Variants in SV2B observed in about 807,000 individuals in gnomAD.
SV2B encodes solute carrier family 22 member B2.
SV2B carries 41 observed loss-of-function variants against 73.9 expected under a neutral mutation model. The ratio of observed to expected loss-of-function variants is 0.56; its 90% confidence interval spans 0.43 to 0.72. The LOEUF (loss-of-function observed/expected upper bound fraction) is 0.72. SV2B is among the 30% of genes least tolerant of loss of function. SV2B has a pLI of 0.00. For missense variants in SV2B, 764 were observed against 857.8 expected (o/e 0.89, Z 1.37); for synonymous variants, 314 against 314.2 (o/e 1.00, Z 0.01).
At chr15:91,263,330 A>G (rs62652916) in intron 6 of SV2B, among the ~76,000 whole-genome samples, 57,334 of 150,732 alleles carry the variant, frequency 0.38, 14,267 homozygotes, top group African/African-American at 0.72. Context: ...ACAGAGGCAC[A>G]CATACAGACA....
rs2046704815 is a variant in SV2B, at chr15:91,234,521, G to C, written c.451+7807G>C. Among the ~76,000 whole-genome samples, 2 of 152,324 alleles carry C rather than the reference G, an allele frequency of 1.3e-5. No homozygotes were observed. Among genetic ancestry groups the C allele is most frequent in the East Asian group, 3.9e-4 (2 of 5,194 alleles). On this transcript the variant is annotated intron_variant, in intron 2 of 12. Coordinates refer to ENST00000394232, the MANE Select transcript of SV2B (RefSeq NM_001323032.3). This position sits in a 1 kb window ranked among gnomAD's most constrained non-coding sequence, Gnocchi z 5.6. Reference sequence around the variant, plus strand: ...AGAACAGTCTGACCTATGTAGACCTGTGGTACTGGCTAGTTCATTGTGGCA... The same window carrying C: ...AGAACAGTCTGACCTATGTAGACCTCTGGTACTGGCTAGTTCATTGTGGCA...
At chr15:91,272,104 T>C (rs1292253677) in intron 9 of SV2B, among the ~76,000 whole-genome samples, 1 of 152,174 alleles carries the variant, frequency 6.6e-6, no homozygotes, top group East Asian at 1.9e-4. Context: ...TTTGGTCTGC[T>C]CCCAAAGCAT....
chr15:91,158,715 T>TTCCCTTCCCTTCCCTTCC (rs2043597367), intron 1 of SV2B, among the ~76,000 whole-genome samples: 1 of 91,098 alleles, frequency 1.1e-5, no homozygotes, highest in African/African-American at 4.5e-5. Flanking sequence ...TCTCCTCTCC[T>TTCCCTTCCCTTCCCTTCC]CTCCTCTCCT....
chr15:91,289,553 T>C lies in SV2B; in HGVS notation c.1741T>C (p.Phe581Leu). 6.2e-7 allele frequency: 1 copy of C among 1,614,248 alleles called. No individual in the cohort carries two copies. The highest frequency in any genetic ancestry group is 8.5e-7 in the Non-Finnish European group (1 of 1,180,042). Residue 581 changes from phenylalanine (F) to leucine (L), a missense_variant, in exon 12 of 13, where the codon TTC becomes CTC. Physicochemically the swap from Phe to Leu is conservative, Grantham distance 22. Transcript: ENST00000394232. This position sits in a 1 kb window ranked among gnomAD's most constrained non-coding sequence, Gnocchi z 4.9. Reference sequence around the variant, plus strand: ...CATGCTAATCTCTGCAGTCTGCTGCTTCTTCCTGTTTTTTGGCAACAGTGA... The same window carrying C: ...CATGCTAATCTCTGCAGTCTGCTGCCTCTTCCTGTTTTTTGGCAACAGTGA... Reference protein sequence around the residue: ...GSMLISAVCCFFLFFGNSESA... With the variant: ...GSMLISAVCCLFLFFGNSESA...
intron 1 of SV2B, among the ~76,000 whole-genome samples, chr15:91,125,721 G>A (rs184505225): frequency 1.4e-4 from 21 of 145,294 alleles, no homozygotes; most frequent in African/African-American, 4.1e-4. Flanking sequence ...GCTGCAGTGA[G>A]CTGTGTTCTT....
At chr15:91,208,904 C>T (rs533778256) in intron 1 of SV2B, among the ~76,000 whole-genome samples, 1 of 152,206 alleles carries the variant, frequency 6.6e-6, no homozygotes, top group East Asian at 1.9e-4. Context: ...CAATGGATTA[C>T]GTGGGTTTCC....
intron 9 of SV2B, among the ~76,000 whole-genome samples, chr15:91,273,769 A>C (rs187548063): frequency 1.2e-4 from 18 of 152,274 alleles, no homozygotes; most frequent in African/African-American, 4.1e-4. Context: ...AGATGTCAAA[A>C]TTGATGAAGC....
chr15:91,225,508 G>C lies in SV2B; in HGVS notation c.-391-365G>C, dbSNP rs994159016. Among the ~76,000 whole-genome samples the C allele has an allele frequency of 1.2e-4, 19 of 152,082 alleles. No homozygotes were observed. The South Asian group carries it at 3.7e-3, about 30-fold the overall frequency. On this transcript the variant is annotated intron_variant, in intron 1 of 12. Transcript: ENST00000394232. ...CTTGACCACTTTATATTTCATTCTTGCATAACATTTTTATTTTATTTTATT... is the reference window on the plus strand; with the variant it reads ...CTTGACCACTTTATATTTCATTCTTCCATAACATTTTTATTTTATTTTATT...
At chr15:91,163,134 G>A (rs2043785645) in intron 1 of SV2B, among the ~76,000 whole-genome samples, 2 of 152,126 alleles carry the variant, frequency 1.3e-5, no homozygotes, top group Non-Finnish European at 2.9e-5. Context: ...TGGTGTATAT[G>A]TGCCACATTT....
intron 1 of SV2B, among the ~76,000 whole-genome samples, chr15:91,218,124 G>C (rs2046096347): frequency 6.6e-6 from 1 of 152,120 alleles, no homozygotes. Context: ...ATGTGACATG[G>C]GAGCCTTCAG....
At chr15:91,172,211 C>T (rs906307805) in intron 1 of SV2B, among the ~76,000 whole-genome samples, 2 of 152,206 alleles carry the variant, frequency 1.3e-5, no homozygotes, top group African/African-American at 4.8e-5. Flanking sequence ...GCCTCTTCTC[C>T]TCCCCCTCTG....
In SV2B at chr15:91,205,981, A is replaced by C. The variant is rs138703300; in HGVS notation, c.-391-19892A>C. On this transcript the variant is annotated intron_variant, in intron 1 of 12. Transcript: ENST00000394232. ...ACATATGGGAGGTCCTGAAATTTTA[A>C]TATCTTTTTACACCAGAAACAACTA... is the stretch of plus-strand genomic sequence containing the variant. Among the ~76,000 whole-genome samples the C allele has an allele frequency of 5.4e-3, 827 of 152,184 alleles. 11 individuals are homozygous for C. Among genetic ancestry groups the C allele is most frequent in the South Asian group, 0.023 (111 of 4,818 alleles).
At chr15:91,158,633 C>CCTTTTCCCTT (rs767357230) in intron 1 of SV2B, among the ~76,000 whole-genome samples, 1 of 54,408 alleles carries the variant, frequency 1.8e-5, no homozygotes, top group African/African-American at 6.9e-5. Flanking sequence ...TTTTATTTTC[C>CCTTTTCCCTT]CTCTTCTCTT....
At chr15:91,270,499 G>T (rs9302350) in intron 9 of SV2B, among the ~76,000 whole-genome samples, 46,645 of 152,076 alleles carry the variant, frequency 0.31, 8,451 homozygotes, top group African/African-American at 0.5. Context: ...CCAGATCTTG[G>T]ACTCTTGACA....
At chr15:91,238,409 A>G (rs1386240334) in intron 2 of SV2B, among the ~76,000 whole-genome samples, 1 of 152,252 alleles carries the variant, frequency 6.6e-6, no homozygotes, top group Non-Finnish European at 1.5e-5. Flanking sequence ...AGTCAGTGAC[A>G]GATCTAGGAT....
In SV2B at chr15:91,110,295, A is replaced by G. The variant is rs993057069; in HGVS notation, c.-392+9932A>G. ...CAAAGCTCAGGTCGGGGCTGTAGCA[A>G]TGTTAAGTTTGTATGAGAGGCCAAG... On this transcript the variant is annotated intron_variant, in intron 1 of 12. Transcript: ENST00000394232. This position sits in a 1 kb window ranked among gnomAD's most constrained non-coding sequence, Gnocchi z 5.4. 1.3e-4 allele frequency among the ~76,000 whole-genome samples: 20 copies of G among 152,188 alleles called. No individual in the cohort carries two copies. Among genetic ancestry groups the G allele is most frequent in the African/African-American group, 4.8e-4 (20 of 41,446 alleles).
chr15:91,129,074 T>A lies in SV2B; in HGVS notation c.-392+28711T>A, dbSNP rs1037185722. Reference sequence around the variant, plus strand: ...GGCCAGGGAGCCCTTGGCCCCTACATGGCCACATGTAAGTCTTATGTCCTG... The same window carrying A: ...GGCCAGGGAGCCCTTGGCCCCTACAAGGCCACATGTAAGTCTTATGTCCTG... On this transcript the variant is annotated intron_variant, in intron 1 of 12. Transcript: ENST00000394232. This position sits in a 1 kb window ranked among gnomAD's most constrained non-coding sequence, Gnocchi z 5.1. Among the ~76,000 whole-genome samples the A allele has an allele frequency of 1.3e-5, 2 of 152,202 alleles. No homozygotes were observed. Among genetic ancestry groups the A allele is most frequent in the African/African-American group, 4.8e-5 (2 of 41,446 alleles).
chr15:91,212,269 C>T (rs1567349726), intron 1 of SV2B, among the ~76,000 whole-genome samples: 1 of 152,218 alleles, frequency 6.6e-6, no homozygotes, highest in Middle Eastern at 3.2e-3. Flanking sequence ...TCTCTTTCTT[C>T]CTTGGGCTTA....
chr15:91,285,573 C>T (rs2048833285), intron 11 of SV2B, among the ~76,000 whole-genome samples: 1 of 152,234 alleles, frequency 6.6e-6, no homozygotes, highest in Admixed American at 6.5e-5. Context: ...TCCGTCTCTG[C>T]CAAGATTAGC....
Sources: gnomAD v4.1 joint callset for allele counts (sites outside exome capture counted in the v4.1 genomes callset) on GRCh38, gnomAD v4.1.1 for gene constraint, Gnocchi (gnomAD v3.1) non-coding constraint, MANE v1.5 for transcripts, NCBI Gene and HGNC (gene_info 2026-07-23, HGNC 2026-07-21) for gene names.